The following ACACA variants were observed in gnomAD, a reference collection of about 807,000 sequenced individuals.
ACACA encodes acetyl-CoA carboxylase 1.
In ACACA, 103 loss-of-function variants were observed where a neutral mutation model predicts 296.1. The observed-to-expected ratio is 0.35, with a 90% CI of 0.30 to 0.41. The LOEUF is 0.41. Among genes scored for constraint, ACACA ranks in the 10% least tolerant of loss-of-function variants. The pLI, the probability that ACACA is intolerant of heterozygous loss-of-function variation, is 1.00. For missense variants in ACACA, 1,554 were observed against 2,989.7 expected (o/e 0.52, Z 11.20); for synonymous variants, 953 against 1,038.6 (o/e 0.92, Z 1.58).
chr17:37,091,367 C>T (rs928833723), intron 54 of ACACA, among the ~76,000 whole-genome samples: 6 of 152,144 alleles, frequency 3.9e-5, no homozygotes, highest in East Asian at 1.9e-4. Context: ...TGACAATGAC[C>T]GCCAAACCCC....
chr17:37,248,798 T>C (rs1567880297), intron 16 of ACACA, 124 bp from the exon 17 acceptor site: 1 of 674,232 alleles, frequency 1.5e-6, no homozygotes, highest in Non-Finnish European at 2.7e-6. Flanking sequence ...AATACCTAAA[T>C]GATCGTTTGT....
At chr17:37,334,938 A>G (rs2048047785) in intron 2 of ACACA, among the ~76,000 whole-genome samples, 1 of 152,106 alleles carries the variant, frequency 6.6e-6, no homozygotes, top group South Asian at 2.1e-4. Flanking sequence ...GCAAATACTC[A>G]TTATTGGACA....
chr17:37,358,987 C>CCCTCA, intron 1 of ACACA: 2 of 985,580 alleles, frequency 2.0e-6, no homozygotes, highest in Non-Finnish European at 2.4e-6. Context: ...TCTGGGCCGG[C>CCCTCA]CCTCACCTCA....
At chr17:37,377,877 A>G (rs1217230275) in intron 1 of ACACA, 1 of 1,544,722 alleles carries the variant, frequency 6.5e-7, no homozygotes, top group Non-Finnish European at 8.8e-7. Context: ...GCTCACCCCC[A>G]GACCTCAGAG....
chr17:37,355,420 G>T (rs895910951), intron 1 of ACACA, among the ~76,000 whole-genome samples: 1 of 151,846 alleles, frequency 6.6e-6, no homozygotes, highest in Non-Finnish European at 1.5e-5. Context: ...GCCAGGTGTG[G>T]TGGCAGGCGC....
chr17:37,092,432 TATC>T (rs2072710452), intron 54 of ACACA, among the ~76,000 whole-genome samples: 1 of 152,170 alleles, frequency 6.6e-6, no homozygotes, highest in Admixed American at 6.5e-5. Flanking sequence ...ATCAATAAAA[TATC>T]AATAATTCTA....
chr17:37,272,666 T>C (rs765917117), intron 9 of ACACA, among the ~76,000 whole-genome samples: 1 of 152,142 alleles, frequency 6.6e-6, no homozygotes, highest in Non-Finnish European at 1.5e-5. Flanking sequence ...TAAAAATATT[T>C]TGGAAGAATT....
intron 52 of ACACA, among the ~76,000 whole-genome samples, chr17:37,099,499 GAGGAGGGCTGATAGC>G (rs1203869531): frequency 1.6e-4 from 19 of 117,170 alleles, no homozygotes; most frequent in African/African-American, 3.4e-4. Context: ...GGGCTGATGG[GAGGAGGGCTGATAGC>G]AGGAGGGCTG....
chr17:37,230,061 C>CAAAAT (rs200709221), intron 25 of ACACA, among the ~76,000 whole-genome samples: 17,872 of 149,162 alleles, frequency 0.12, 1,619 homozygotes, highest in East Asian at 0.43. Context: ...AATTCCGTCT[C>CAAAAT]AAAATAAAAT....
At chr17:37,099,005 C>G (rs974738277) in intron 52 of ACACA, among the ~76,000 whole-genome samples, 11 of 152,176 alleles carry the variant, frequency 7.2e-5, no homozygotes, top group Non-Finnish European at 1.3e-4. Context: ...GTTAGGGACA[C>G]CCTGAAGTGC....
chr17:37,299,471 A>G, intron 3 of ACACA: 1 of 1,544,164 alleles, frequency 6.5e-7, no homozygotes, highest in South Asian at 1.2e-5. Context: ...CTTCAGTCAG[A>G]CTAGAATACT....
intron 3 of ACACA, among the ~76,000 whole-genome samples, chr17:37,312,638 G>A (rs1414712103): frequency 6.6e-6 from 1 of 152,182 alleles, no homozygotes; most frequent in East Asian, 1.9e-4. Flanking sequence ...GAAACAGGGA[G>A]AGACTAAAGT....
chr17:37,358,798 T>C (rs1320594500), intron 1 of ACACA, among the ~76,000 whole-genome samples: 1 of 152,128 alleles, frequency 6.6e-6, no homozygotes, highest in African/African-American at 2.4e-5. Context: ...GACCTCTCCA[T>C]GTCTCTAGGG....
intron 34 of ACACA, 46 bp downstream of exon 34, chr17:37,200,381 C>T (rs759423613): frequency 5.2e-6 from 8 of 1,527,032 alleles, no homozygotes; most frequent in Non-Finnish European, 7.3e-6. Context: ...TAAGTTGTAG[C>T]AGCAGCATAA....
chr17:37,380,498 T>G (rs1300899411), intron 1 of ACACA, among the ~76,000 whole-genome samples: 1 of 152,188 alleles, frequency 6.6e-6, no homozygotes, highest in Non-Finnish European at 1.5e-5. Flanking sequence ...AGAGTCAGTT[T>G]TATAATCTCT....
chr17:37,103,815 T>C (rs1020085734), intron 52 of ACACA, among the ~76,000 whole-genome samples: 1 of 152,150 alleles, frequency 6.6e-6, no homozygotes, highest in African/African-American at 2.4e-5. Context: ...GGTGGGAGGA[T>C]GGCTTGAGCC....
At chr17:37,315,757 A>G (rs1225272090) in intron 3 of ACACA, among the ~76,000 whole-genome samples, 1 of 152,214 alleles carries the variant, frequency 6.6e-6, no homozygotes, top group African/African-American at 2.4e-5. Context: ...CTCCAGGCAT[A>G]CAGCTCTACC....
chr17:37,373,271 G>A (rs577007335), intron 1 of ACACA, among the ~76,000 whole-genome samples: 1 of 151,882 alleles, frequency 6.6e-6, no homozygotes, highest in Admixed American at 6.6e-5. Flanking sequence ...TTTTTTAAAT[G>A]GAGTCTTGCT....
chr17:37,362,983 A>AC (rs1188223853), intron 1 of ACACA, among the ~76,000 whole-genome samples: 1 of 149,626 alleles, frequency 6.7e-6, no homozygotes, highest in African/African-American at 2.4e-5. Flanking sequence ...CAAAAAAAAA[A>AC]AAAAAAACAA....
Sources: allele counts gnomAD v4.1 joint callset (sites outside exome capture counted in the v4.1 genomes callset), GRCh38; gene constraint gnomAD v4.1.1; transcripts MANE v1.5; gene names NCBI Gene and HGNC (gene_info 2026-07-23, HGNC 2026-07-21).